MCTP2: variants seen among roughly 807,000 people sequenced by gnomAD.
MCTP2 encodes multiple C2 and transmembrane domain containing 2.
Under a neutral mutation model 111.6 loss-of-function variants are expected in MCTP2, and 132 were observed. That is an observed-to-expected ratio of 1.18 (90% CI 1.03 to 1.37). MCTP2 has a LOEUF of 1.37. Among genes scored for constraint, MCTP2 ranks in the 40% most tolerant of loss-of-function variants. The pLI, the probability that MCTP2 is intolerant of heterozygous loss-of-function variation, is 0.00. For synonymous variants in MCTP2, 395 were observed against 387.7 expected, an observed-to-expected ratio of 1.02 and a Z score of -0.22; for missense variants, 1,183 against 1,067.9, an observed-to-expected ratio of 1.11 and a Z score of -1.50.
At chr15:94,293,555 G>A (rs527281397) in intron 1 of MCTP2, among the ~76,000 whole-genome samples, 63 of 152,152 alleles carry the variant, frequency 4.1e-4, no homozygotes, top group South Asian at 4.1e-4. Context: ...CCAGAGGGCC[G>A]GCCTTACTCC....
At chr15:94,329,778 A>G (rs2077050996) in intron 4 of MCTP2, among the ~76,000 whole-genome samples, 1 of 152,214 alleles carries the variant, frequency 6.6e-6, no homozygotes, top group African/African-American at 2.4e-5. Flanking sequence ...GCCAATTAAC[A>G]TATCCATCAT....
chr15:94,371,862 C>T (rs747423975), intron 12 of MCTP2, among the ~76,000 whole-genome samples: 19 of 152,142 alleles, frequency 1.2e-4, no homozygotes, highest in Non-Finnish European at 2.2e-4. Context: ...CTAAGGGAAA[C>T]GCTTTTGAAA....
At chr15:94,430,433 A>G (rs973868031) in intron 17 of MCTP2, among the ~76,000 whole-genome samples, 2 of 150,272 alleles carry the variant, frequency 1.3e-5, no homozygotes, top group Non-Finnish European at 3.0e-5. Flanking sequence ...ACACACACAC[A>G]CACACACACA....
At chr15:94,423,509 C>T (rs2082722804) in intron 17 of MCTP2, among the ~76,000 whole-genome samples, 1 of 152,114 alleles carries the variant, frequency 6.6e-6, no homozygotes, top group South Asian at 2.1e-4. Context: ...TATTCAAACT[C>T]CCCCAAAGTC....
At chr15:94,330,293 T>A (rs1054039916) in intron 4 of MCTP2, among the ~76,000 whole-genome samples, 1 of 152,244 alleles carries the variant, frequency 6.6e-6, no homozygotes, top group Admixed American at 6.5e-5. Context: ...GTCTATTTTC[T>A]TAGACTTAGA....
intron 20 of MCTP2, among the ~76,000 whole-genome samples, chr15:94,461,952 G>A (rs1424501475): frequency 6.6e-6 from 1 of 152,204 alleles, no homozygotes; most frequent in Non-Finnish European, 1.5e-5. Flanking sequence ...GAGGGGGCCA[G>A]GTGTGAGGAA....
At chr15:94,424,754 G>T (rs2082796677) in intron 17 of MCTP2, among the ~76,000 whole-genome samples, 1 of 152,128 alleles carries the variant, frequency 6.6e-6, no homozygotes, top group Admixed American at 6.6e-5. Context: ...TGTCAGTCTG[G>T]TGTGTGAAGG....
At chr15:94,478,374 C>T (rs150213826) in intron 22 of MCTP2, among the ~76,000 whole-genome samples, 30 of 152,308 alleles carry the variant, frequency 2.0e-4, no homozygotes, top group Middle Eastern at 3.4e-3. Context: ...TCGCCAAGGG[C>T]GCTTTCTAAT....
intron 10 of MCTP2, among the ~76,000 whole-genome samples, chr15:94,366,704 G>A (rs560429918): frequency 1.1e-4 from 17 of 152,096 alleles, no homozygotes; most frequent in South Asian, 2.1e-4. Context: ...GGGTAAAGGA[G>A]AATGTAAAAA....
intron 1 of MCTP2, among the ~76,000 whole-genome samples, chr15:94,257,566 GTTGTTTTTTTTTTTTTT>G (rs1390288506): frequency 0.066 from 4,815 of 72,774 alleles, 399 homozygotes; most frequent in Middle Eastern, 0.1. Flanking sequence ...CATTTTCTTT[GTTGTTTTTTTTTTTTTT>G]TTTTTTTTTT....
intron 1 of MCTP2, among the ~76,000 whole-genome samples, chr15:94,274,376 T>G (rs1447849416): frequency 1.3e-5 from 2 of 151,592 alleles, no homozygotes; most frequent in Non-Finnish European, 2.9e-5. Flanking sequence ...GAATAGTAAA[T>G]GAAACCCAAA....
chr15:94,296,591 A>T (rs2075287058), intron 1 of MCTP2, among the ~76,000 whole-genome samples: 1 of 152,252 alleles, frequency 6.6e-6, no homozygotes, highest in Non-Finnish European at 1.5e-5. Flanking sequence ...TCCAAACAAG[A>T]AATGATGAGA....
intron 21 of MCTP2, among the ~76,000 whole-genome samples, chr15:94,474,889 G>C (rs1490812677): frequency 1.3e-5 from 2 of 151,114 alleles, no homozygotes; most frequent in African/African-American, 4.9e-5. Flanking sequence ...GATAGTCTCA[G>C]TGCATTGTGG....
intron 19 of MCTP2, among the ~76,000 whole-genome samples, chr15:94,445,548 T>G (rs538862229): frequency 6.6e-6 from 1 of 152,310 alleles, no homozygotes; most frequent in African/African-American, 2.4e-5. Context: ...TTTCAGACTT[T>G]TTGAGTGCAC....
chr15:94,282,396 C>T (rs1207964107), intron 1 of MCTP2, among the ~76,000 whole-genome samples: 3 of 152,118 alleles, frequency 2.0e-5, no homozygotes, highest in Non-Finnish European at 4.4e-5. Flanking sequence ...TCCAGAAGTT[C>T]AGTTGATTCT....
intron 10 of MCTP2, among the ~76,000 whole-genome samples, chr15:94,363,432 G>A (rs773964414): frequency 6.6e-6 from 1 of 152,044 alleles, no homozygotes; most frequent in African/African-American, 2.4e-5. Context: ...GAGACTTGTA[G>A]GAATAGTGGT....
intron 1 of MCTP2, among the ~76,000 whole-genome samples, chr15:94,291,237 A>G (rs1297412514): frequency 6.6e-6 from 1 of 152,220 alleles, no homozygotes; most frequent in Non-Finnish European, 1.5e-5. Context: ...AAATCTTCAG[A>G]TACTTAGAAA....
At chr15:94,471,849 C>T (rs1045731273) in intron 21 of MCTP2, among the ~76,000 whole-genome samples, 1 of 149,606 alleles carries the variant, frequency 6.7e-6, no homozygotes. Context: ...ATTATGTTTT[C>T]GTGCGTACTA....
chr15:94,433,849 AATCATGTTGGAT>A (rs2083317632), intron 17 of MCTP2, among the ~76,000 whole-genome samples: 1 of 152,138 alleles, frequency 6.6e-6, no homozygotes, highest in South Asian at 2.1e-4. Context: ...CCTAATGCAT[AATCATGTTGGAT>A]ATCTTCCTAT....
Sources: gnomAD v4.1 joint callset for allele counts (sites outside exome capture counted in the v4.1 genomes callset) on GRCh38, gnomAD v4.1.1 for gene constraint, MANE v1.5 for transcripts, NCBI Gene and HGNC (gene_info 2026-07-23, HGNC 2026-07-21) for gene names.